The following LARP4B variants were observed in gnomAD, a reference collection of about 807,000 sequenced individuals.
LARP4B encodes the protein la-related protein 4B.
In LARP4B, 12 loss-of-function variants were observed where a neutral mutation model predicts 89.8. That is an observed-to-expected ratio of 0.13 (90% CI 0.09 to 0.22). LARP4B has a LOEUF of 0.22. Among genes scored for constraint, LARP4B ranks in the 10% least tolerant of loss-of-function variants. The pLI is 1.00. For synonymous variants in LARP4B, 367 were observed against 363.3 expected (o/e 1.01, Z -0.12); for missense variants, 757 against 947.7 (o/e 0.80, Z 2.64).
At chr10:975,700 G>GA in the LARP4B span, among the ~76,000 whole-genome samples, 1 of 152,060 alleles carries the variant, frequency 6.6e-6, no homozygotes, top group Admixed American at 6.6e-5. Flanking sequence ...AGGTAGGCCT[G>GA]TCGCGTAATG....
At chr10:871,299 T>C (rs976802014) in intron 3 of LARP4B, among the ~76,000 whole-genome samples, 1 of 152,172 alleles carries the variant, frequency 6.6e-6, no homozygotes, top group African/African-American at 2.4e-5. Context: ...GAAACACAGT[T>C]ACTGTGAAGA....
At chr10:970,520 T>C in the LARP4B span, among the ~76,000 whole-genome samples, 2 of 152,154 alleles carry the variant, frequency 1.3e-5, no homozygotes, top group Non-Finnish European at 1.5e-5. Flanking sequence ...CTTGTAAATA[T>C]TTGCACAGCC....
chr10:873,136 G>C (rs901412850), intron 3 of LARP4B: 4 of 985,280 alleles, frequency 4.1e-6, no homozygotes, highest in Non-Finnish European at 4.8e-6. Flanking sequence ...TGCTGAAGCA[G>C]CAGCCCATGT....
chr10:941,838 T>G, the LARP4B span, among the ~76,000 whole-genome samples: 13 of 152,058 alleles, frequency 8.5e-5, no homozygotes, highest in African/African-American at 3.1e-4. Context: ...TGCAGTGGTG[T>G]GATCATAGCT....
chr10:813,258 T>C (rs926366686), intron 17 of LARP4B, 45 bp from the exon 18 acceptor site: 1 of 1,522,930 alleles, frequency 6.6e-7, no homozygotes. Flanking sequence ...ATGGTGTCTC[T>C]AGGGACAAGA....
chr10:959,033 C>G, the LARP4B span, among the ~76,000 whole-genome samples: 1 of 152,144 alleles, frequency 6.6e-6, no homozygotes, highest in Admixed American at 6.5e-5. Context: ...CGCCTGAGGT[C>G]CCCACAGGCA....
intron 1 of LARP4B, among the ~76,000 whole-genome samples, chr10:930,941 T>G (rs1250107118): frequency 6.7e-6 from 1 of 150,180 alleles, no homozygotes; most frequent in Non-Finnish European, 1.5e-5. Context: ...CCGCCCGGCC[T>G]GGGGGCGCTC....
intron 1 of LARP4B, among the ~76,000 whole-genome samples, chr10:902,244 T>C (rs1305654524): frequency 6.6e-6 from 1 of 152,200 alleles, no homozygotes; most frequent in African/African-American, 2.4e-5. Flanking sequence ...ACCACCACTC[T>C]AATACTTGGT....
intron 13 of LARP4B, among the ~76,000 whole-genome samples, chr10:823,658 G>C (rs747334339): frequency 6.6e-6 from 1 of 151,596 alleles, no homozygotes; most frequent in African/African-American, 2.4e-5. Context: ...CCCTCAGAGG[G>C]AGCCACATGG....
chr10:851,600 A>G (rs565233293), intron 5 of LARP4B, among the ~76,000 whole-genome samples: 2 of 152,342 alleles, frequency 1.3e-5, no homozygotes, highest in South Asian at 2.1e-4. Context: ...ATGACTACAG[A>G]TTTCACAGGT....
chr10:900,537 G>C (rs985708258), intron 1 of LARP4B, among the ~76,000 whole-genome samples: 1 of 135,650 alleles, frequency 7.4e-6, no homozygotes, highest in South Asian at 2.5e-4. Context: ...CTGGGTCCAA[G>C]TGATCCTCCT....
intron 1 of LARP4B, 132 bp downstream of exon 1, chr10:931,296 G>GCCCCGT (rs1404064419): frequency 2.0e-5 from 3 of 148,800 alleles, no homozygotes; most frequent in African/African-American, 7.9e-5. Context: ...CCCGGCCCCG[G>GCCCCGT]CCCCGGCCCA....
rs560347891 is a variant in LARP4B at position 848,754 on chromosome 10, G to A, written c.431-3699C>T. Among the ~76,000 whole-genome samples, 108 of 152,084 alleles carry A rather than the reference G, an allele frequency of 7.1e-4. 1 individual carries two copies. The highest frequency in any genetic ancestry group is 8.8e-5 in the Non-Finnish European group (6 of 68,006). Reference sequence around the variant, plus strand: ...CCAGCTGAGAGGATCAGCAAGCTGCGGACAACATCGAGCAGCTGAGCTCAA... The same window carrying A: ...CCAGCTGAGAGGATCAGCAAGCTGCAGACAACATCGAGCAGCTGAGCTCAA... On this transcript the variant is annotated intron_variant, in intron 5 of 17. Transcript: ENST00000316157.
chr10:875,611 T>C (rs1055001016), intron 3 of LARP4B, among the ~76,000 whole-genome samples: 82 of 152,370 alleles, frequency 5.4e-4, no homozygotes, highest in Middle Eastern at 6.8e-3. Flanking sequence ...CACACAATTC[T>C]GGAGGCTGAG....
chr10:822,731 A>G lies in LARP4B; in HGVS notation c.1485-1886T>C, dbSNP rs751118143. On this transcript the variant is annotated intron_variant, in intron 13 of 17. Transcript: ENST00000316157. The surrounding 1 kb of genome is among the most constrained non-coding windows in gnomAD (Gnocchi z 4.6). ...CATCACTGTGACACCCGCGACTCTGAATGCAGTGGTGTGAAGGCCTGAGAC... is the reference window on the plus strand; with the variant it reads ...CATCACTGTGACACCCGCGACTCTGGATGCAGTGGTGTGAAGGCCTGAGAC... Among the ~76,000 whole-genome samples the G allele has an allele frequency of 6.6e-6, 1 of 152,184 alleles. No homozygotes were observed. The highest frequency in any genetic ancestry group is 2.4e-5 in the African/African-American group (1 of 41,448).
Position 864,196 on chromosome 10 carries a change from T to G in LARP4B, c.216A>C (p.Ala72=), listed in dbSNP as rs1200698876. The change falls in exon 4 of 18, where the codon GCA becomes GCC. Residue 72 remains alanine, a synonymous_variant. Transcript: ENST00000316157. The part of the protein sequence containing the change: ...VWGAPVLHLE[A]SSAADGVSAA... ...CACTCACACCGTCAGCAGCACTGCT[T>G]GCTTCCAGATGTAACACAGGAGCCC... 1 of 1,614,084 alleles carries G rather than the reference T, an allele frequency of 6.2e-7. No individual in the cohort carries two copies.
At chr10:962,313 AAAAAAAAGAAT>A in the LARP4B span, among the ~76,000 whole-genome samples, 1 of 151,928 alleles carries the variant, frequency 6.6e-6, no homozygotes, top group African/African-American at 2.4e-5. Context: ...AAAAAAAAAA[AAAAAAAAGAAT>A]ACCAATCCTT....
intron 5 of LARP4B, among the ~76,000 whole-genome samples, chr10:862,468 G>T (rs1588929434): frequency 1.3e-5 from 2 of 152,254 alleles, no homozygotes; most frequent in South Asian, 4.1e-4. Context: ...TGGGGTGGGG[G>T]AGGGGACAGG....
the LARP4B span, among the ~76,000 whole-genome samples, chr10:937,908 G>A: frequency 3.3e-5 from 5 of 151,776 alleles, no homozygotes; most frequent in Admixed American, 2.0e-4. Flanking sequence ...ATTTTGAGAC[G>A]GAGTCTTGCT....
Sources: gnomAD v4.1 joint callset for allele counts (sites outside exome capture counted in the v4.1 genomes callset) on GRCh38, gnomAD v4.1.1 for gene constraint, Gnocchi (gnomAD v3.1) non-coding constraint, MANE v1.5 for transcripts, NCBI Gene and HGNC (gene_info 2026-07-23, HGNC 2026-07-21) for gene names.